PALLD: variants seen among roughly 807,000 people sequenced by gnomAD.
PALLD encodes the protein palladin.
In PALLD, 61 loss-of-function variants were observed where a neutral mutation model predicts 123.5. The observed-to-expected ratio is 0.49, with a 90% CI of 0.40 to 0.61. The LOEUF (loss-of-function observed/expected upper bound fraction) is 0.61. Ranked by LOEUF, PALLD falls within the 20% of genes least tolerant of loss-of-function variation. The pLI is 0.00. For synonymous variants in PALLD, 465 were observed against 496.4 expected (o/e 0.94, Z 0.84); for missense variants, 1,273 against 1,377.0 (o/e 0.92, Z 1.20).
chr4:168,777,842 T>C (rs1251055417), intron 10 of PALLD, among the ~76,000 whole-genome samples: 1 of 152,206 alleles, frequency 6.6e-6, no homozygotes, highest in Non-Finnish European at 1.5e-5. Context: ...CATTCAATGC[T>C]GCCTAATGAG....
At chr4:168,823,648 C>T (rs907025686) in intron 10 of PALLD, among the ~76,000 whole-genome samples, 2 of 152,082 alleles carry the variant, frequency 1.3e-5, no homozygotes, top group Non-Finnish European at 2.9e-5. Flanking sequence ...CCACGGCACT[C>T]CATCCTGGGC....
At chr4:168,796,476 A>G (rs1204638283) in intron 10 of PALLD, among the ~76,000 whole-genome samples, 1 of 152,206 alleles carries the variant, frequency 6.6e-6, no homozygotes, top group Admixed American at 6.5e-5. Flanking sequence ...CATTATTTGC[A>G]CGATTGGCAG....
In PALLD at chr4:168,512,076, G is replaced by A. The variant is rs1167116976; in HGVS notation, c.572G>A (p.Arg191Lys). The A allele has an allele frequency of 1.2e-6, 2 of 1,614,228 alleles. No homozygotes were observed. Among genetic ancestry groups the A allele is most frequent in the South Asian group, 2.2e-5 (2 of 91,092 alleles). ...SIFKAAKPRN[R>K]SPNGESSSPD... is the part of the protein sequence containing the mutation. The stretch of plus-strand genomic sequence containing the variant: ...TTTAAAGCCGCAAAGCCAAGAAACA[G>A]AAGCCCAAATGGGGAGTCCTCGTCA... Residue 191 changes from arginine (R) to lysine (K), a missense_variant, in exon 2 of 22, where the codon AGA becomes AAA. Arg to Lys is a conservative substitution (Grantham distance 26, BLOSUM62 2). This residue lies in a region of PALLD where 944 missense variants were observed against 954.5 expected (regional missense o/e 0.99). Transcript: ENST00000505667.
At chr4:168,512,470 A>G (rs1275973891) in intron 2 of PALLD, 58 bp downstream of exon 2, 2 of 1,439,534 alleles carry the variant, frequency 1.4e-6, no homozygotes, top group African/African-American at 1.4e-5. Flanking sequence ...TGTTACTTTA[A>G]TATGGGAGGA....
intron 2 of PALLD, chr4:168,648,910 T>C (rs959522816): frequency 8.5e-5 from 13 of 152,286 alleles, no homozygotes; most frequent in African/African-American, 3.1e-4. Context: ...CCTTGTCATC[T>C]TCTCCTGTAT....
chr4:168,542,228 C>T (rs1044490426), intron 2 of PALLD, among the ~76,000 whole-genome samples: 1 of 151,958 alleles, frequency 6.6e-6, no homozygotes, highest in Non-Finnish European at 1.5e-5. Flanking sequence ...CAGTTTGTCT[C>T]TGGGATCTGT....
intron 10 of PALLD, among the ~76,000 whole-genome samples, chr4:168,719,719 C>T (rs1200323383): frequency 2.6e-5 from 4 of 152,144 alleles, no homozygotes; most frequent in Non-Finnish European, 5.9e-5. Flanking sequence ...TTCTGATCCT[C>T]TCCCTCCTCC....
chr4:168,898,265 T>G, intron 13 of PALLD: 1 of 570,700 alleles, frequency 1.8e-6, no homozygotes, highest in South Asian at 2.1e-5. Flanking sequence ...TCATCTTTCC[T>G]ACCCCCCTCT....
At chr4:168,678,453 C>T (rs571536361) in intron 3 of PALLD, among the ~76,000 whole-genome samples, 8 of 152,250 alleles carry the variant, frequency 5.3e-5, no homozygotes, top group Admixed American at 1.3e-4. Context: ...TAAACAAGAA[C>T]GCTGGGAGTT....
Position 168,511,607 on chromosome 4 carries a change from A to T in PALLD, c.103A>T (p.Ser35Cys). 3 of 1,614,128 alleles carry T rather than the reference A, an allele frequency of 1.9e-6. No homozygotes were observed. Among genetic ancestry groups the T allele is most frequent in the Non-Finnish European group, 2.5e-6 (3 of 1,179,988 alleles). The change falls in exon 2 of 22, where the codon AGC becomes TGC. Residue 35 changes from serine (S) to cysteine (C), a missense_variant. Physicochemically the swap from Ser to Cys is moderately radical, Grantham distance 112. Around this residue, in one of 2 missense-constraint regions of PALLD, gnomAD observed 944 missense variants for 954.5 expected, o/e 0.99. Transcript: ENST00000505667. ...DFFPGLSAFLSQEEINKSLDL... is the reference protein window; with the variant it reads ...DFFPGLSAFLCQEEINKSLDL... ...CTTCCCGGGCCTTTCTGCTTTCCTC[A>T]GCCAGGAAGAGATAAACAAGAGTCT... is the stretch of plus-strand genomic sequence containing the variant.
chr4:168,686,389 C>T (rs771809573), intron 6 of PALLD, among the ~76,000 whole-genome samples: 69 of 152,064 alleles, frequency 4.5e-4, no homozygotes, highest in Admixed American at 1.7e-3. Flanking sequence ...CCCCACCTCC[C>T]GACAGGCCCC....
intron 2 of PALLD, among the ~76,000 whole-genome samples, chr4:168,653,856 A>G (rs1778298372): frequency 6.6e-6 from 1 of 151,840 alleles, no homozygotes; most frequent in African/African-American, 2.4e-5. Flanking sequence ...ACCCGCCACC[A>G]TGCCCAGCTA....
intron 10 of PALLD, among the ~76,000 whole-genome samples, chr4:168,810,177 GAGA>G (rs1373890037): frequency 1.3e-5 from 2 of 152,060 alleles, no homozygotes; most frequent in East Asian, 1.9e-4. Flanking sequence ...CGGGAAAAGA[GAGA>G]AGAACAGGAA....
chr4:168,762,661 G>A (rs977934843), intron 10 of PALLD, among the ~76,000 whole-genome samples: 18 of 152,102 alleles, frequency 1.2e-4, no homozygotes, highest in African/African-American at 2.2e-4. Context: ...TTGACCCAGC[G>A]ATCCCATTAC....
rs1479226262 is a variant in PALLD, at chr4:168,670,595, C to T, written c.1087+2227C>T. ...AAAAATACAAAAAATTAGCCGGGCGCGGTGGCGGGCGCCTGTAGTCCCAGC... is the reference window on the plus strand; with the variant it reads ...AAAAATACAAAAAATTAGCCGGGCGTGGTGGCGGGCGCCTGTAGTCCCAGC... On this transcript the variant is annotated intron_variant, in intron 3 of 21. Transcript: ENST00000505667. 4.5e-4 allele frequency among the ~76,000 whole-genome samples: 67 copies of T among 150,252 alleles called. No individual in the cohort carries two copies. In the South Asian group the frequency reaches 0.013, roughly 29 times the overall value.
intron 2 of PALLD, among the ~76,000 whole-genome samples, chr4:168,577,456 T>G (rs2149635164): frequency 6.6e-6 from 1 of 152,256 alleles, no homozygotes; most frequent in African/African-American, 2.4e-5. Context: ...ATACAGTATA[T>G]CAATTTTTAA....
chr4:168,712,549 C>G (rs979436568), intron 10 of PALLD, among the ~76,000 whole-genome samples: 1 of 152,150 alleles, frequency 6.6e-6, no homozygotes. Flanking sequence ...ATAAACCTTG[C>G]ATGAGCTGTT....
chr4:168,518,019 C>T (rs952256944), intron 2 of PALLD, among the ~76,000 whole-genome samples: 4 of 88,874 alleles, frequency 4.5e-5, no homozygotes, highest in Non-Finnish European at 6.7e-5. Context: ...TCAAATTTGT[C>T]GAAAACTAAA....
intron 10 of PALLD, chr4:168,829,060 C>T (rs1379756207): frequency 6.6e-6 from 1 of 152,336 alleles, no homozygotes; most frequent in East Asian, 1.9e-4. Context: ...AAATTCTCAT[C>T]AGTGCTTCTA....
Sources: gnomAD v4.1 joint callset for allele counts (sites outside exome capture counted in the v4.1 genomes callset) on GRCh38, gnomAD v4.1.1 for gene constraint, gnomAD v4.1.1 regional missense constraint, MANE v1.5 for transcripts, NCBI Gene and HGNC (gene_info 2026-07-23, HGNC 2026-07-21) for gene names.